Variants in GNG7 observed in about 807,000 individuals in gnomAD.
GNG7 encodes the protein G protein subunit gamma 7.
Under a neutral mutation model 4.0 loss-of-function variants are expected in GNG7, and 1 was observed. The observed-to-expected ratio is 0.25, with a 90% confidence interval of 0.09 to 1.18. GNG7 has a LOEUF of 1.18. Among genes scored for constraint, GNG7 ranks in the 50% most tolerant of loss-of-function variants. The probability of loss-of-function intolerance (pLI) is 0.50; values close to 1 mark genes in which losing one functional copy is unlikely to be tolerated. For synonymous variants in GNG7, 34 were observed against 36.9 expected (o/e 0.92, Z 0.29); for missense variants, 86 against 91.9 (o/e 0.94, Z 0.26).
chr19:2,650,075 T>C (rs1051981083), intron 1 of GNG7, among the ~76,000 whole-genome samples: 4 of 152,132 alleles, frequency 2.6e-5, no homozygotes, highest in African/African-American at 9.7e-5. Context: ...CTCCTGAGTA[T>C]GGAAGGACGT....
chr19:2,568,847 TACAC>T (rs1454082171), intron 2 of GNG7, among the ~76,000 whole-genome samples: 1 of 150,718 alleles, frequency 6.6e-6, no homozygotes, highest in Non-Finnish European at 1.5e-5. Flanking sequence ...CATATGCAAA[TACAC>T]ACAAATATAC....
intron 3 of GNG7, among the ~76,000 whole-genome samples, chr19:2,540,195 G>A (rs1351941433): frequency 6.6e-6 from 1 of 151,470 alleles, no homozygotes; most frequent in Non-Finnish European, 1.5e-5. Context: ...CTGTTGCCCA[G>A]GCTAGAGTAC....
intron 3 of GNG7, among the ~76,000 whole-genome samples, chr19:2,548,750 C>G (rs1265178557): frequency 2.0e-5 from 3 of 151,776 alleles, no homozygotes; most frequent in African/African-American, 7.3e-5. Flanking sequence ...GATCGTGCCA[C>G]TACACTCCAG....
intron 3 of GNG7, among the ~76,000 whole-genome samples, chr19:2,530,666 G>C (rs185513036): frequency 4.3e-4 from 65 of 152,046 alleles, no homozygotes; most frequent in African/African-American, 1.5e-3. Context: ...GTTGCAGTGA[G>C]CTGACGTTGT....
At chr19:2,665,682 T>C (rs1983292874) in intron 1 of GNG7, among the ~76,000 whole-genome samples, 1 of 152,126 alleles carries the variant, frequency 6.6e-6, no homozygotes, top group East Asian at 1.9e-4. Flanking sequence ...CCACTGTCGC[T>C]GTGCCTCAGT....
intron 3 of GNG7, among the ~76,000 whole-genome samples, chr19:2,527,287 G>C (rs1978436570): frequency 2.0e-5 from 3 of 152,176 alleles, no homozygotes; most frequent in Non-Finnish European, 4.4e-5. Flanking sequence ...GGACCCTGAG[G>C]TCAGCCCAAT....
chr19:2,547,082 C>G (rs113981257), intron 3 of GNG7, among the ~76,000 whole-genome samples: 15 of 151,564 alleles, frequency 9.9e-5, no homozygotes, highest in African/African-American at 3.6e-4. Context: ...ATGCCCCCCC[C>G]CCAGAAAACT....
At position 2,614,139 on chromosome 19, in the gene GNG7, C is replaced by A. The variant is rs1281576411; in HGVS notation, c.-78+32085G>T. 6.6e-6 allele frequency among the ~76,000 whole-genome samples: 1 copy of A among 152,226 alleles called. No individual in the cohort carries two copies. The highest frequency in any genetic ancestry group is 2.1e-4 in the South Asian group (1 of 4,834). On this transcript the variant is annotated intron_variant, in intron 2 of 4. Coordinates refer to ENST00000382159, the MANE Select transcript of GNG7 (RefSeq NM_052847.3). The surrounding 1 kb of genome is among the most constrained non-coding windows in gnomAD (Gnocchi z 6.0). ...CATCCTCACCACCCGGTGAACGGCA[C>A]TGGGAGCAGACTCAAGAGGCTCGAG...
chr19:2,542,198 T>C (rs1227136115), intron 3 of GNG7, among the ~76,000 whole-genome samples: 2 of 130,462 alleles, frequency 1.5e-5, no homozygotes, highest in Non-Finnish European at 3.1e-5. Flanking sequence ...CACCGCAACC[T>C]CCGCCTCCCA....
At chr19:2,616,924 G>A (rs1305602477) in intron 2 of GNG7, among the ~76,000 whole-genome samples, 4 of 152,178 alleles carry the variant, frequency 2.6e-5, no homozygotes, top group South Asian at 2.1e-4. Context: ...CTGGGGTCAC[G>A]GGATAAGTGC....
rs937902725 is a variant in GNG7 at position 2,653,479 on chromosome 19, C to A, written c.-134-7199G>T. On this transcript the variant is annotated intron_variant, in intron 1 of 4. Coordinates refer to ENST00000382159, the MANE Select transcript of GNG7 (RefSeq NM_052847.3). The surrounding 1 kb of genome is among the most constrained non-coding windows in gnomAD (Gnocchi z 4.8). ...GAGGAGAATCCCAGGAGCTGGGGGGCCCCCCTGGTTTATACCGTCTTCCCC... is the reference window on the plus strand; with the variant it reads ...GAGGAGAATCCCAGGAGCTGGGGGGACCCCCTGGTTTATACCGTCTTCCCC... 8.5e-5 allele frequency among the ~76,000 whole-genome samples: 13 copies of A among 152,122 alleles called. No homozygotes were observed. The highest frequency in any genetic ancestry group is 2.9e-4 in the African/African-American group (12 of 41,416).
At chr19:2,538,667 C>T (rs193086704) in intron 3 of GNG7, 7 of 454,650 alleles carry the variant, frequency 1.5e-5, no homozygotes, top group Middle Eastern at 3.3e-4. Context: ...ATATATTTTA[C>T]TTACAAGGTT....
rs1485922075 is a variant in GNG7, at chr19:2,546,669, A to G, written c.-38+8480T>C. Among the ~76,000 whole-genome samples, 1 of 152,130 alleles carries G rather than the reference A, an allele frequency of 6.6e-6. No homozygotes were observed. The highest frequency in any genetic ancestry group is 1.5e-5 in the Non-Finnish European group (1 of 67,998). ...CTTCAGCCGGAGCTTGGAGCCTAAG[A>G]ATGAGCCGGCTTGTTCAGACAAAGA... On this transcript the variant is annotated intron_variant, in intron 3 of 4. Transcript: ENST00000382159. The surrounding 1 kb of genome is among the most constrained non-coding windows in gnomAD (Gnocchi z 6.3).
intron 1 of GNG7, among the ~76,000 whole-genome samples, chr19:2,682,818 G>A (rs1283731933): frequency 6.6e-6 from 1 of 151,998 alleles, no homozygotes; most frequent in Non-Finnish European, 1.5e-5. Context: ...GTTGCTCTGG[G>A]GGTAACTGCA....
Position 2,512,416 on chromosome 19 carries a change from T to C in GNG7, c.*2606A>G. ...AGCTAGAAAGAAACCCACAGGCTTC[T>C]GGCAATGGCCACCTCCCTGGGGTCC... On this transcript the variant is annotated 3_prime_UTR_variant, in exon 5 of 5. Coordinates refer to ENST00000382159, the MANE Select transcript of GNG7 (RefSeq NM_052847.3). The surrounding 1 kb of genome is among the most constrained non-coding windows in gnomAD (Gnocchi z 4.7). The C allele has an allele frequency of 1.0e-6, 1 of 969,450 alleles. No individual in the cohort carries two copies. Among genetic ancestry groups the C allele is most frequent in the East Asian group, 1.2e-4 (1 of 8,694 alleles). The allele number at this position is 969,450 out of a possible 1,614,324, so 60.1% of individuals were successfully genotyped here. A position where few individuals can be genotyped will look rare whatever the true frequency, so the allele number is the denominator to read the frequency against.
At chr19:2,642,359 A>C in intron 2 of GNG7, 1 of 230,892 alleles carries the variant, frequency 4.3e-6, no homozygotes, top group African/African-American at 2.3e-5. Context: ...TGTCGAAATG[A>C]ATGGGGTTAT....
intron 3 of GNG7, chr19:2,538,750 C>T: frequency 2.3e-6 from 1 of 438,600 alleles, no homozygotes. Flanking sequence ...TTCAGACTTC[C>T]TAGATATATA....
chr19:2,592,023 G>A (rs145439176), intron 2 of GNG7, among the ~76,000 whole-genome samples: 10 of 152,272 alleles, frequency 6.6e-5, no homozygotes, highest in South Asian at 4.1e-4. Context: ...AAGGTTATTC[G>A]TCAATGATTA....
At chr19:2,550,655 C>T (rs138320952) in intron 3 of GNG7, among the ~76,000 whole-genome samples, 1 of 152,304 alleles carries the variant, frequency 6.6e-6, no homozygotes, top group East Asian at 1.9e-4. Flanking sequence ...TGAGGGACCA[C>T]CAGCTGCTCT....
Sources: allele counts gnomAD v4.1 joint callset (sites outside exome capture counted in the v4.1 genomes callset), GRCh38; gene constraint gnomAD v4.1.1; non-coding constraint Gnocchi (gnomAD v3.1); transcripts MANE v1.5; gene names NCBI Gene and HGNC (gene_info 2026-07-23, HGNC 2026-07-21).